CFAP141: variants seen among roughly 807,000 people sequenced by gnomAD.
The protein encoded by CFAP141 is cilia and flagella associated protein 141.
the CFAP141 span, among the ~76,000 whole-genome samples, chr1:154,203,449 A>G: frequency 6.6e-6 from 1 of 150,676 alleles, no homozygotes; most frequent in African/African-American, 2.4e-5. Flanking sequence ...TATTTTTTTG[A>G]GACAGGGTCT....
the CFAP141 span, among the ~76,000 whole-genome samples, chr1:154,201,925 C>G: frequency 6.6e-6 from 1 of 152,062 alleles, no homozygotes; most frequent in Admixed American, 6.6e-5. Context: ...CGCCCACCAC[C>G]ACGCCCAGGT....
chr1:154,201,460 T>C, the CFAP141 span, among the ~76,000 whole-genome samples: 1 of 151,202 alleles, frequency 6.6e-6, no homozygotes, highest in African/African-American at 2.4e-5. Flanking sequence ...CAATCTTGGC[T>C]CACTGCAATC....
the CFAP141 span, among the ~76,000 whole-genome samples, chr1:154,204,095 A>C: frequency 2.6e-5 from 4 of 151,698 alleles, no homozygotes; most frequent in East Asian, 7.7e-4. Flanking sequence ...CCATCTCAAT[A>C]AATAAATAAA....
At chr1:154,202,624 C>T in the CFAP141 span, among the ~76,000 whole-genome samples, 1 of 149,820 alleles carries the variant, frequency 6.7e-6, no homozygotes, top group African/African-American at 2.5e-5. Context: ...CACGGTGAAA[C>T]CCCGTCTCTA....
chr1:154,200,603 G>A, the CFAP141 span: 1 of 1,613,766 alleles, frequency 6.2e-7, no homozygotes, highest in South Asian at 1.1e-5. Flanking sequence ...TCCAGGTACA[G>A]AGGTGGGGGT....
chr1:154,200,548 A>T, the CFAP141 span: 4 of 1,614,216 alleles, frequency 2.5e-6, no homozygotes, highest in African/African-American at 5.3e-5. Flanking sequence ...CTCTGGCCCA[A>T]TGCCATTTGC....
At chr1:154,205,606 C>T in the CFAP141 span, 272 of 1,613,930 alleles carry the variant, frequency 1.7e-4, 1 homozygote, top group Non-Finnish European at 2.1e-4. Context: ...ACCTGTCGAC[C>T]GTCTTCTTAA....
chr1:154,199,254 G>T, the CFAP141 span: 13 of 452,168 alleles, frequency 2.9e-5, no homozygotes, highest in African/African-American at 1.6e-4. Context: ...TTCCCAAATA[G>T]CGGCAAAGGA....
chr1:154,206,323 T>C, the CFAP141 span: 1 of 1,613,526 alleles, frequency 6.2e-7, no homozygotes. Flanking sequence ...TAGATTTGCT[T>C]GATACAGTCT....
the CFAP141 span, chr1:154,205,469 C>A: frequency 8.3e-6 from 7 of 843,850 alleles, no homozygotes; most frequent in African/African-American, 5.0e-5. Context: ...GCTTCTCACC[C>A]CTTCCGCATC....
At chr1:154,203,416 C>T in the CFAP141 span, among the ~76,000 whole-genome samples, 3 of 149,948 alleles carry the variant, frequency 2.0e-5, no homozygotes. Context: ...TGTGCCACCA[C>T]GCCCAGGTAA....
chr1:154,203,919 C>T, the CFAP141 span, among the ~76,000 whole-genome samples: 5 of 151,924 alleles, frequency 3.3e-5, no homozygotes, highest in African/African-American at 7.3e-5. Flanking sequence ...GGTGAAACTC[C>T]GACTCTACTG....
chr1:154,200,235 A>G, the CFAP141 span, among the ~76,000 whole-genome samples: 2 of 152,218 alleles, frequency 1.3e-5, no homozygotes, highest in Non-Finnish European at 2.9e-5. Context: ...ATACTTTGGG[A>G]CTTTAACATG....
At chr1:154,202,335 C>A in the CFAP141 span, among the ~76,000 whole-genome samples, 1 of 151,852 alleles carries the variant, frequency 6.6e-6, no homozygotes, top group Non-Finnish European at 1.5e-5. Context: ...CTCAGCCTCC[C>A]AAAGTGCTGG....
the CFAP141 span, among the ~76,000 whole-genome samples, chr1:154,201,123 TTTTA>T: frequency 0.023 from 3,512 of 152,130 alleles, 151 homozygotes; most frequent in African/African-American, 0.079. Context: ...ATAGGTGTTA[TTTTA>T]TTTATTTATT....
At chr1:154,200,651 A>T in the CFAP141 span, 1 of 1,531,940 alleles carries the variant, frequency 6.5e-7, no homozygotes, top group African/African-American at 1.4e-5. Context: ...GAGACAAAAA[A>T]CCCATAGAGT....
chr1:154,200,133 C>G, the CFAP141 span, among the ~76,000 whole-genome samples: 2 of 152,118 alleles, frequency 1.3e-5, no homozygotes, highest in Admixed American at 1.3e-4. Flanking sequence ...TCTTGGCCCC[C>G]CAAAGTGCTG....
the CFAP141 span, among the ~76,000 whole-genome samples, chr1:154,202,616 C>T: frequency 1.4e-3 from 211 of 150,960 alleles, no homozygotes; most frequent in Admixed American, 7.7e-3. Context: ...CTCACTAACA[C>T]GGTGAAACCC....
At chr1:154,203,006 A>G in the CFAP141 span, among the ~76,000 whole-genome samples, 2 of 148,252 alleles carry the variant, frequency 1.3e-5, no homozygotes, top group Admixed American at 6.7e-5. Flanking sequence ...CTGTAATCCC[A>G]GCTCCCCAGG....
Sources: gnomAD v4.1 joint callset for allele counts (sites outside exome capture counted in the v4.1 genomes callset) on GRCh38, gnomAD v4.1.1 for gene constraint, MANE v1.5 for transcripts, NCBI Gene and HGNC (gene_info 2026-07-23, HGNC 2026-07-21) for gene names.